Variants in PDE6A observed in about 807,000 individuals in gnomAD.
PDE6A encodes the protein rod cGMP-specific 3',5'-cyclic phosphodiesterase subunit alpha.
A neutral mutation model predicts 106.3 loss-of-function variants in PDE6A; 84 were observed. The observed-to-expected ratio is 0.79, with a 90% CI of 0.66 to 0.95. The LOEUF (loss-of-function observed/expected upper bound fraction) is 0.95, where lower values mean the gene tolerates loss of function less well. PDE6A is among the 40% of genes least tolerant of loss of function. The pLI is 0.00. For missense variants in PDE6A, 1,052 were observed against 1,084.9 expected, an observed-to-expected ratio of 0.97 and a Z score of 0.43; for synonymous variants, 394 against 386.6, an observed-to-expected ratio of 1.02 and a Z score of -0.23.
intron 6 of PDE6A, among the ~76,000 whole-genome samples, chr5:149,910,580 C>T (rs1423353104): frequency 6.6e-6 from 1 of 152,116 alleles, no homozygotes; most frequent in African/African-American, 2.4e-5. Context: ...ATAGCATAAT[C>T]TCTCTTTAAA....
intron 8 of PDE6A, 134 bp downstream of exon 8, chr5:149,903,514 G>T: frequency 2.7e-6 from 2 of 746,008 alleles, no homozygotes; most frequent in Non-Finnish European, 4.8e-6. Context: ...ATTGGTACAG[G>T]AATTTTATCC....
chr5:149,862,670 A>G (rs1025370572), intron 21 of PDE6A, among the ~76,000 whole-genome samples: 1 of 152,326 alleles, frequency 6.6e-6, no homozygotes, highest in African/African-American at 2.4e-5. Flanking sequence ...AGGCGGAAGA[A>G]TTGCTTGAAC....
chr5:149,885,446 T>A (rs936157281), intron 14 of PDE6A, among the ~76,000 whole-genome samples: 2 of 152,120 alleles, frequency 1.3e-5, no homozygotes, highest in African/African-American at 4.8e-5. Context: ...GAGGATCCAA[T>A]GAGATCATGG....
At position 149,863,018 on chromosome 5, in the gene PDE6A, G is replaced by T; in HGVS notation, c.2506+101C>A. On this transcript the variant is annotated intron_variant, in intron 21 of 21. Transcript: ENST00000255266. The surrounding 1 kb of genome is among the most constrained non-coding windows in gnomAD (Gnocchi z 4.7). ...TGGGGACAGTATTGGCCATCAGGAG[G>T]CCTGAATGAGACTCCGTGTAAGAGT... is the stretch of plus-strand genomic sequence containing the variant. 7.1e-7 allele frequency: 1 copy of T among 1,403,444 alleles called. No homozygotes were observed. The allele number at this position is 1,403,444 out of a possible 1,614,324, so 86.9% of individuals were successfully genotyped here. A position where few individuals can be genotyped will look rare whatever the true frequency, so the allele number is the denominator to read the frequency against.
chr5:149,915,028 T>TTTA, intron 5 of PDE6A, 21 bp from the exon 6 acceptor site: 1 of 1,395,126 alleles, frequency 7.2e-7, no homozygotes, highest in Non-Finnish European at 9.9e-7. Flanking sequence ...AGAGAAAAAT[T>TTTA]ATACTTTTTT....
chr5:149,864,475 CA>C (rs1181695302), intron 20 of PDE6A, among the ~76,000 whole-genome samples: 1 of 152,102 alleles, frequency 6.6e-6, no homozygotes, highest in African/African-American at 2.4e-5. Context: ...CTCCTGACCT[CA>C]AATGATCCAC....
chr5:149,937,259 G>A (rs1267330786), intron 1 of PDE6A, among the ~76,000 whole-genome samples: 1 of 152,238 alleles, frequency 6.6e-6, no homozygotes, highest in African/African-American at 2.4e-5. Context: ...AATCAGTGTA[G>A]CTAAAGCATA....
Position 149,858,054 on chromosome 5 carries a change from CTG to C in PDE6A, c.*2839_*2840del, listed in dbSNP as rs1760002057. On this transcript the variant is annotated 3_prime_UTR_variant, in exon 22 of 22. Transcript: ENST00000255266. ...AATACAGAATGTGGGAAAACTGACT[CTG>C]TTTCTGCAAGGTGATGACAATGGAA... 1 of 152,152 alleles carries C rather than the reference CTG, an allele frequency of 6.6e-6. No homozygotes were observed. Among genetic ancestry groups the C allele is most frequent in the Non-Finnish European group, 1.5e-5 (1 of 68,020 alleles). The allele number at this position is 152,152 out of a possible 1,614,324, so 9.4% of individuals were successfully genotyped here.
chr5:149,899,317 C>A, intron 9 of PDE6A, 58 bp downstream of exon 9: 3 of 1,582,986 alleles, frequency 1.9e-6, no homozygotes, highest in East Asian at 2.2e-5. Flanking sequence ...GACACCCAGC[C>A]TCCCCCAGCA....
At chr5:149,904,601 C>G (rs1753114075) in intron 7 of PDE6A, among the ~76,000 whole-genome samples, 1 of 152,142 alleles carries the variant, frequency 6.6e-6, no homozygotes, top group Non-Finnish European at 1.5e-5. Context: ...ACGGTGCCTT[C>G]TAGTTCTCAA....
chr5:149,941,447 A>T (rs1305278292), intron 1 of PDE6A, among the ~76,000 whole-genome samples: 1 of 152,202 alleles, frequency 6.6e-6, no homozygotes, highest in African/African-American at 2.4e-5. Flanking sequence ...GCCCAAGGTG[A>T]TCAAAGAAGT....
intron 3 of PDE6A, chr5:149,932,247 T>G: frequency 2.8e-6 from 4 of 1,406,354 alleles, no homozygotes; most frequent in Non-Finnish European, 4.0e-6. Context: ...TCTGACCAGC[T>G]GTCCATTTTG....
At chr5:149,875,835 T>TAAAAA in intron 17 of PDE6A, among the ~76,000 whole-genome samples, 1 of 152,310 alleles carries the variant, frequency 6.6e-6, no homozygotes, top group Non-Finnish European at 1.5e-5. Context: ...TTACCCACAA[T>TAAAAA]AAAAGCACAT....
chr5:149,928,231 A>ATATATATATATATATATATTT, intron 4 of PDE6A, among the ~76,000 whole-genome samples: 1 of 19,754 alleles, frequency 5.1e-5, no homozygotes, highest in African/African-American at 4.8e-4. Flanking sequence ...ATATATATAT[A>ATATATATATATATATATATTT]TTTTTTTTTT....
At chr5:149,864,836 A>G (rs1288537832) in intron 20 of PDE6A, among the ~76,000 whole-genome samples, 1 of 152,216 alleles carries the variant, frequency 6.6e-6, no homozygotes, top group Non-Finnish European at 1.5e-5. Context: ...GCTTACCTTC[A>G]GCCATTAAAT....
At chr5:149,896,311 A>C in intron 12 of PDE6A, 45 bp downstream of exon 12, 1 of 1,505,156 alleles carries the variant, frequency 6.6e-7, no homozygotes, top group Non-Finnish European at 9.2e-7. Context: ...GCAAGCAAGA[A>C]AGAAAATTAA....
chr5:149,872,390 C>A (rs192185565), intron 17 of PDE6A, among the ~76,000 whole-genome samples: 1 of 152,196 alleles, frequency 6.6e-6, no homozygotes, highest in African/African-American at 2.4e-5. Context: ...GTAAATGCAC[C>A]CAGTGTCCTC....
intron 8 of PDE6A, 38 bp downstream of exon 8, chr5:149,903,610 A>T (rs768739329): frequency 4.5e-5 from 71 of 1,560,934 alleles, no homozygotes; most frequent in Non-Finnish European, 5.7e-5. Flanking sequence ...GAGGAAAAAA[A>T]ATCATATGAC....
chr5:149,928,307 G>A (rs759460832), intron 4 of PDE6A, among the ~76,000 whole-genome samples: 5 of 139,548 alleles, frequency 3.6e-5, no homozygotes, highest in Admixed American at 7.5e-5. Context: ...GCACAATCTC[G>A]GCTCACTGCA....
Sources: allele counts gnomAD v4.1 joint callset (sites outside exome capture counted in the v4.1 genomes callset), GRCh38; gene constraint gnomAD v4.1.1; non-coding constraint Gnocchi (gnomAD v3.1); transcripts MANE v1.5; gene names NCBI Gene and HGNC (gene_info 2026-07-23, HGNC 2026-07-21).